Variants in MFHAS1 observed in about 807,000 individuals in gnomAD.
MFHAS1 encodes the protein malignant fibrous histiocytoma-amplified sequence 1.
A neutral mutation model predicts 70.4 loss-of-function variants in MFHAS1; 50 were observed. The observed-to-expected ratio is 0.71, with a 90% CI of 0.57 to 0.90. The LOEUF (loss-of-function observed/expected upper bound fraction) is 0.90. Among genes scored for constraint, MFHAS1 ranks in the 40% least tolerant of loss-of-function variants. MFHAS1 has a pLI of 0.00. For missense variants in MFHAS1, 1,795 were observed against 1,347.6 expected (o/e 1.33, Z -5.20); for synonymous variants, 952 against 620.0 (o/e 1.54, Z -7.96).
At chr8:8,810,332 C>T (rs1806499346) in intron 1 of MFHAS1, among the ~76,000 whole-genome samples, 1 of 152,190 alleles carries the variant, frequency 6.6e-6, no homozygotes, top group African/African-American at 2.4e-5. Flanking sequence ...TGCCACTGTA[C>T]TCCAGTATGG....
intron 1 of MFHAS1, among the ~76,000 whole-genome samples, chr8:8,865,276 C>CA (rs35910015): frequency 0.14 from 9,035 of 64,564 alleles, 1,215 homozygotes; most frequent in Middle Eastern, 0.24. Flanking sequence ...GACTCCATCT[C>CA]AAAAAAAAAA....
intron 1 of MFHAS1, among the ~76,000 whole-genome samples, chr8:8,874,087 C>A (rs929874058): frequency 5.9e-5 from 9 of 152,042 alleles, no homozygotes; most frequent in African/African-American, 2.2e-4. Flanking sequence ...TTTTTTAGGT[C>A]CCACCACTTT....
intron 1 of MFHAS1, among the ~76,000 whole-genome samples, chr8:8,813,322 T>TA (rs149517446): frequency 0.038 from 5,823 of 152,320 alleles, 203 homozygotes; most frequent in South Asian, 0.12. Flanking sequence ...CTATACTTTT[T>TA]ATCATTCTTT....
At chr8:8,861,913 A>C (rs1422598627) in intron 1 of MFHAS1, among the ~76,000 whole-genome samples, 1 of 152,154 alleles carries the variant, frequency 6.6e-6, no homozygotes, top group South Asian at 2.1e-4. Flanking sequence ...TTTCCTTGCT[A>C]TGTCGCATAC....
intron 2 of MFHAS1, among the ~76,000 whole-genome samples, chr8:8,790,111 C>T (rs1245669956): frequency 1.3e-5 from 2 of 152,154 alleles, no homozygotes; most frequent in African/African-American, 4.8e-5. Flanking sequence ...ACTGTCTATG[C>T]AATATCATAG....
rs556161380 is a variant in MFHAS1 at position 8,793,219 on chromosome 8, C to A, written c.3125+4146G>T. On this transcript the variant is annotated intron_variant, in intron 2 of 2. Coordinates refer to ENST00000276282, the MANE Select transcript of MFHAS1 (RefSeq NM_004225.3). ...TACCTACTTCTTATTCTCTGTCTCTCCCCATGGGGGAATAAAATGTCTACA... is the reference window on the plus strand; with the variant it reads ...TACCTACTTCTTATTCTCTGTCTCTACCCATGGGGGAATAAAATGTCTACA... Among the ~76,000 whole-genome samples, 14 of 152,222 alleles carry A rather than the reference C, an allele frequency of 9.2e-5. 1 individual carries two copies. Among genetic ancestry groups the A allele is most frequent in the African/African-American group, 3.4e-4 (14 of 41,522 alleles).
rs778918901 is a variant in MFHAS1 at position 8,892,765 on chromosome 8, G to A, written c.294C>T (p.Arg98=). 1.3e-6 allele frequency: 2 copies of A among 1,579,868 alleles called. No individual in the cohort carries two copies. Among genetic ancestry groups the A allele is most frequent in the African/African-American group, 1.3e-5 (1 of 74,244 alleles). ...CCACCGCCGGGGGCAGCCGGGCGAA[G>A]CGGTTCCTGCGCAGGACCAGGACGC... ...SLRVLVLRRN[R]FARLPPAVAE... is the part of the protein sequence containing the mutation. The change falls in exon 1 of 3, where the codon CGC becomes CGT. Residue 98 remains arginine (R), a synonymous_variant. Transcript: ENST00000276282. The surrounding 1 kb of genome is among the most constrained non-coding windows in gnomAD (Gnocchi z 4.7).
intron 2 of MFHAS1, among the ~76,000 whole-genome samples, chr8:8,796,398 A>T (rs1340646505): frequency 6.6e-6 from 1 of 152,230 alleles, no homozygotes; most frequent in Non-Finnish European, 1.5e-5. Flanking sequence ...CAGAGTTAAG[A>T]CTGCCCGTCA....
intron 1 of MFHAS1, among the ~76,000 whole-genome samples, chr8:8,842,458 T>G (rs567002310): frequency 6.6e-6 from 1 of 152,294 alleles, no homozygotes; most frequent in Admixed American, 6.5e-5. Flanking sequence ...AGTGCTGGGA[T>G]TGTAATAGGC....
rs577231766 is a variant in MFHAS1 at position 8,880,746 on chromosome 8, G to A, written c.2998+9315C>T. Among the ~76,000 whole-genome samples the A allele has an allele frequency of 2.2e-4, 33 of 150,826 alleles. No individual in the cohort carries two copies. The South Asian group carries it at 2.7e-3, about 12-fold the overall frequency. The stretch of plus-strand genomic sequence containing the variant: ...GTCGCCCAGGTTGGAGTATAGCGGC[G>A]CAATCTCAGCTCACTGCAACCTCCG... On this transcript the variant is annotated intron_variant, in intron 1 of 2. Transcript: ENST00000276282.
Position 8,785,737 on chromosome 8 carries a change from CTTTTTT to C in MFHAS1, c.*279_*284del. Reference sequence around the variant, plus strand: ...ACAAAATCCCTGAGAAGCCATTCGACTTTTTTTTTTTTTTTTTCTTTTCTTCAAGTA... The same window carrying C: ...ACAAAATCCCTGAGAAGCCATTCGACTTTTTTTTTTTCTTTTCTTCAAGTA... On this transcript the variant is annotated 3_prime_UTR_variant, in exon 3 of 3. Coordinates refer to ENST00000276282, the MANE Select transcript of MFHAS1 (RefSeq NM_004225.3). The C allele has an allele frequency of 4.4e-6, 1 of 229,760 alleles. No homozygotes were observed. The highest frequency in any genetic ancestry group is 8.3e-6 in the Non-Finnish European group (1 of 120,352). The allele number at this position is 229,760 out of a possible 1,614,324, so 14.2% of individuals were successfully genotyped here.
At chr8:8,840,931 G>C (rs920791076) in intron 1 of MFHAS1, among the ~76,000 whole-genome samples, 3 of 152,128 alleles carry the variant, frequency 2.0e-5, no homozygotes, top group Non-Finnish European at 4.4e-5. Flanking sequence ...TTACACAAGA[G>C]CATATTCTCA....
intron 2 of MFHAS1, among the ~76,000 whole-genome samples, chr8:8,791,280 A>T (rs1220910099): frequency 2.0e-5 from 3 of 152,186 alleles, no homozygotes; most frequent in Non-Finnish European, 4.4e-5. Context: ...CCATCAGGAA[A>T]TAAGAGTGAC....
chr8:8,891,782 C>CG lies in MFHAS1; in HGVS notation c.1276dup (p.Arg426ProfsTer52). ...CACTCTCTCCTCGGTGAGGCAGTGGCGCAGCAAAGTCTTTCCTGCAGCCTT... is the reference window on the plus strand; with the variant it reads ...CACTCTCTCCTCGGTGAGGCAGTGGCGGCAGCAAAGTCTTTCCTGCAGCCTT... On this transcript the variant is annotated frameshift_variant, in exon 1 of 3. Transcript: ENST00000276282. LOFTEE classifies it high-confidence loss of function. This position sits in a 1 kb window ranked among gnomAD's most constrained non-coding sequence, Gnocchi z 5.4. The CG allele has an allele frequency of 6.2e-7, 1 of 1,613,302 alleles. No homozygotes were observed. The highest frequency in any genetic ancestry group is 8.5e-7 in the Non-Finnish European group (1 of 1,180,020).
rs1188441142 is a variant in MFHAS1, at chr8:8,797,456, C to T, written c.3034G>A (p.Ala1012Thr). The T allele has an allele frequency of 6.2e-7, 1 of 1,614,044 alleles. No individual in the cohort carries two copies. The highest frequency in any genetic ancestry group is 1.7e-5 in the Admixed American group (1 of 60,012). ...CCGTTCTTGGGGCAAATGATCTCTG[C>T]CACTCCTTCCGGTCTGGGCTGACTC... ...LLSQPRPEGV[A>T]EIICPKNGSE... The change falls in exon 2 of 3, where the codon GCA (alanine) becomes ACA (threonine). Residue 1012 changes from alanine (A) to threonine (T), a missense_variant. Transcript: ENST00000276282.
chr8:8,878,677 A>G (rs1809390718), intron 1 of MFHAS1, among the ~76,000 whole-genome samples: 1 of 152,026 alleles, frequency 6.6e-6, no homozygotes, highest in Non-Finnish European at 1.5e-5. Context: ...AAAAGAAAAA[A>G]AAAAAGGAAA....
chr8:8,811,541 G>T (rs1336558888), intron 1 of MFHAS1, among the ~76,000 whole-genome samples: 1 of 152,200 alleles, frequency 6.6e-6, no homozygotes, highest in African/African-American at 2.4e-5. Context: ...GCCTCCTAAA[G>T]TGCTGGGATT....
chr8:8,784,950 G>A lies in MFHAS1; in HGVS notation c.*1072C>T, dbSNP rs143685943. 1 of 152,130 alleles carries A rather than the reference G, an allele frequency of 6.6e-6. No individual in the cohort carries two copies. The allele number at this position is 152,130 out of a possible 1,614,324, so 9.4% of individuals were successfully genotyped here. ...CTGTATTTATAAATAACCCGTGTGG[G>A]ATTATGCTCTCCAGTGAATGTAACT... is the stretch of plus-strand genomic sequence containing the variant. On this transcript the variant is annotated 3_prime_UTR_variant, in exon 3 of 3. Transcript: ENST00000276282.
In MFHAS1 at chr8:8,892,858, T is replaced by A; in HGVS notation, c.201A>T (p.Ala67=). The A allele has an allele frequency of 6.3e-7, 1 of 1,595,700 alleles. No homozygotes were observed. The highest frequency in any genetic ancestry group is 8.5e-7 in the Non-Finnish European group (1 of 1,172,032). ...VLPANLGDIE[A]LNLGNNGLEE... is the part of the protein sequence containing the mutation. Reference sequence around the variant, plus strand: ...CCAGGCCGTTGTTCCCCAGGTTCAGTGCCTCAATGTCCCCGAGGTTGGCCG... The same window carrying A: ...CCAGGCCGTTGTTCCCCAGGTTCAGAGCCTCAATGTCCCCGAGGTTGGCCG... The change falls in exon 1 of 3, where the codon GCA becomes GCT. Residue 67 remains alanine (A), a synonymous_variant. Transcript: ENST00000276282. This position sits in a 1 kb window ranked among gnomAD's most constrained non-coding sequence, Gnocchi z 4.7.
Sources: gnomAD v4.1 joint callset for allele counts (sites outside exome capture counted in the v4.1 genomes callset) on GRCh38, gnomAD v4.1.1 for gene constraint, Gnocchi (gnomAD v3.1) non-coding constraint, MANE v1.5 for transcripts, NCBI Gene and HGNC (gene_info 2026-07-23, HGNC 2026-07-21) for gene names.